ADRA1D: variants seen among roughly 807,000 people sequenced by gnomAD.
The protein encoded by ADRA1D is alpha-1D adrenergic receptor.
ADRA1D carries 22 observed loss-of-function variants against 18.6 expected under a neutral mutation model. The observed-to-expected ratio is 1.19, with a 90% CI of 0.85 to 1.69. The LOEUF is 1.69. Ranked by LOEUF, ADRA1D falls within the 40% of genes most tolerant of loss-of-function variation. ADRA1D has a pLI of 0.00. For synonymous variants in ADRA1D, 376 were observed against 388.2 expected (o/e 0.97, Z 0.37); for missense variants, 840 against 840.7 (o/e 1.00, Z 0.01).
rs1350655777 is a variant in ADRA1D at position 4,222,106 on chromosome 20, G to T, written c.1136C>A (p.Pro379Gln). 6.2e-7 allele frequency: 1 copy of T among 1,612,636 alleles called. No homozygotes were observed. Among genetic ancestry groups the T allele is most frequent in the South Asian group, 1.1e-5 (1 of 91,058 alleles). Residue 379 changes from proline to glutamine, a missense_variant, in exon 2 of 2, where the codon CCA becomes CAA. Coordinates refer to ENST00000379453, the MANE Select transcript of ADRA1D (RefSeq NM_000678.4). The surrounding 1 kb of genome is among the most constrained non-coding windows in gnomAD (Gnocchi z 4.3). ...PLGSLFPQLK[P>Q]SEGVFKVIFW... is the part of the protein sequence containing the mutation. ...GATGACCTTGAAGACGCCCTCCGAT[G>T]GCTTCAGCTGCGGGAACAAGGAGCC...
chr20:4,221,622 C>T lies in ADRA1D; in HGVS notation c.1620G>A (p.Glu540=), dbSNP rs200118427. The T allele has an allele frequency of 1.2e-6, 2 of 1,613,434 alleles. No homozygotes were observed. Among genetic ancestry groups the T allele is most frequent in the East Asian group, 4.5e-5 (2 of 44,888 alleles). Residue 540 remains glutamate (E), a synonymous_variant, in exon 2 of 2, where the codon GAG becomes GAA. Coordinates refer to ENST00000379453, the MANE Select transcript of ADRA1D (RefSeq NM_000678.4). ...CGTGTGGGACGCCTAGGGACACAGCCTCCACCTCTGAGCGCTGGGCGCACG... is the reference window on the plus strand; with the variant it reads ...CGTGTGGGACGCCTAGGGACACAGCTTCCACCTCTGAGCGCTGGGCGCACG... ...EAACAQRSEV[E]AVSLGVPHEV...
rs988891988 is a variant in ADRA1D at position 4,248,854 on chromosome 20, G to A, written c.104C>T (p.Ala35Val). 2 of 1,020,572 alleles carry A rather than the reference G, an allele frequency of 2.0e-6. No individual in the cohort carries two copies. The highest frequency in any genetic ancestry group is 7.5e-5 in the East Asian group (1 of 13,396). The allele number at this position is 1,020,572 out of a possible 1,614,324, so 63.2% of individuals were successfully genotyped here. ...AGGGGGSAGGAAPSEGPAVGG... is the reference protein window; with the variant it reads ...AGGGGGSAGGVAPSEGPAVGG... The stretch of plus-strand genomic sequence containing the variant: ...CACCGCCGGGCCCTCCGAGGGGGCC[G>A]CGCCGCCCGCGCTGCCCCCGCCGCC... Residue 35 changes from alanine to valine, a missense_variant, in exon 1 of 2, where the codon GCG becomes GTG. Physicochemically the swap from Ala to Val is moderately conservative, Grantham distance 64. Coordinates refer to ENST00000379453, the MANE Select transcript of ADRA1D (RefSeq NM_000678.4).
chr20:4,248,915 G>T lies in ADRA1D; in HGVS notation c.43C>A (p.Arg15Ser). The change falls in exon 1 of 2, where the codon CGC becomes AGC. Residue 15 changes from arginine (R) to serine (S), a missense_variant. Transcript: ENST00000379453. ...GAGCCCCCTGCGCTGCTGTCCGGGC[G>T]GGGTCCCTCGAAACTGACGCTCAGG... is the stretch of plus-strand genomic sequence containing the variant. The part of the protein sequence containing the change: ...DLLSVSFEGP[R>S]PDSSAGGSSA... The T allele has an allele frequency of 7.5e-7, 1 of 1,337,106 alleles. No homozygotes were observed. The highest frequency in any genetic ancestry group is 9.7e-7 in the Non-Finnish European group (1 of 1,031,914). 82.8% of individuals were successfully genotyped at this position (1,337,106 alleles called of 1,614,324 possible).
chr20:4,224,870 T>A (rs1274987921), intron 1 of ADRA1D, among the ~76,000 whole-genome samples: 1 of 151,726 alleles, frequency 6.6e-6, no homozygotes, highest in African/African-American at 2.4e-5. Flanking sequence ...CCTCCCACCA[T>A]ACAGAGACAG....
At chr20:4,224,344 G>A (rs1600844759) in intron 1 of ADRA1D, among the ~76,000 whole-genome samples, 1 of 152,114 alleles carries the variant, frequency 6.6e-6, no homozygotes, top group South Asian at 2.1e-4. Flanking sequence ...GGAGGATGGG[G>A]CAGGGGCACT....
intron 1 of ADRA1D, among the ~76,000 whole-genome samples, chr20:4,242,099 C>A (rs908917826): frequency 3.3e-5 from 5 of 152,220 alleles, no homozygotes; most frequent in African/African-American, 1.2e-4. Context: ...TAACCGCTAT[C>A]CTGGATTTTA....
chr20:4,224,179 C>T (rs994527459), intron 1 of ADRA1D, among the ~76,000 whole-genome samples: 7 of 152,064 alleles, frequency 4.6e-5, no homozygotes, highest in East Asian at 1.9e-4. Context: ...GCTTAGGGGC[C>T]GCGAATATTT....
Position 4,222,253 on chromosome 20 carries a change from G to C in ADRA1D, c.1112-123C>G, listed in dbSNP as rs540617790. 1 of 1,353,830 alleles carries C rather than the reference G, an allele frequency of 7.4e-7. No homozygotes were observed. The highest frequency in any genetic ancestry group is 1.5e-5 in the African/African-American group (1 of 65,836). The allele number at this position is 1,353,830 out of a possible 1,614,324, so 83.9% of individuals were successfully genotyped here. A position where few individuals can be genotyped will look rare whatever the true frequency, so the allele number is the denominator to read the frequency against. On this transcript the variant is annotated intron_variant, in intron 1 of 1. Coordinates refer to ENST00000379453, the MANE Select transcript of ADRA1D (RefSeq NM_000678.4). This position sits in a 1 kb window ranked among gnomAD's most constrained non-coding sequence, Gnocchi z 4.3. ...AGTCATTGACTAGGAGTTCTCAAGG[G>C]ATCCGTGCTGTAAATCAGGAGGTCC...
intron 1 of ADRA1D, among the ~76,000 whole-genome samples, chr20:4,226,453 G>A (rs769980632): frequency 2.6e-5 from 4 of 152,272 alleles, no homozygotes; most frequent in Non-Finnish European, 4.4e-5. Flanking sequence ...AATAAAGTGT[G>A]TTATCAAGTT....
rs1981429140 is a variant in ADRA1D at position 4,248,858 on chromosome 20, C to T, written c.100G>A (p.Gly34Ser). The part of the protein sequence containing the change: ...SAGGGGGSAG[G>S]AAPSEGPAVG... ...GCCGGGCCCTCCGAGGGGGCCGCGCCGCCCGCGCTGCCCCCGCCGCCGCCC... is the reference window on the plus strand; with the variant it reads ...GCCGGGCCCTCCGAGGGGGCCGCGCTGCCCGCGCTGCCCCCGCCGCCGCCC... Residue 34 changes from glycine to serine, a missense_variant, in exon 1 of 2, where the codon GGC (glycine) becomes AGC (serine). Physicochemically the swap from Gly to Ser is moderately conservative, Grantham distance 56 (BLOSUM62 0). Coordinates refer to ENST00000379453, the MANE Select transcript of ADRA1D (RefSeq NM_000678.4). 2 of 1,032,714 alleles carry T rather than the reference C, an allele frequency of 1.9e-6. No individual in the cohort carries two copies. Among genetic ancestry groups the T allele is most frequent in the East Asian group, 6.8e-5 (1 of 14,728 alleles). 64.0% of individuals were successfully genotyped at this position (1,032,714 alleles called of 1,614,324 possible).
intron 1 of ADRA1D, among the ~76,000 whole-genome samples, chr20:4,223,006 C>T (rs966841517): frequency 6.6e-6 from 1 of 152,114 alleles, no homozygotes; most frequent in Non-Finnish European, 1.5e-5. Flanking sequence ...ATTTTCCTAT[C>T]ACTTTCAGTT....
chr20:4,240,173 C>T (rs1981180240), intron 1 of ADRA1D, among the ~76,000 whole-genome samples: 1 of 152,142 alleles, frequency 6.6e-6, no homozygotes, highest in African/African-American at 2.4e-5. Context: ...CTACAGGATA[C>T]ACCTGGGGAC....
intron 1 of ADRA1D, among the ~76,000 whole-genome samples, chr20:4,233,683 G>T (rs1981023000): frequency 6.6e-6 from 1 of 152,156 alleles, no homozygotes; most frequent in Admixed American, 6.5e-5. Flanking sequence ...TGGGACCAGG[G>T]ATTAGCCCTT....
At chr20:4,241,246 G>A (rs1010732737) in intron 1 of ADRA1D, among the ~76,000 whole-genome samples, 2 of 152,168 alleles carry the variant, frequency 1.3e-5, no homozygotes, top group Non-Finnish European at 2.9e-5. Context: ...CAGGGAGAAA[G>A]GGCGCTAGGA....
intron 1 of ADRA1D, among the ~76,000 whole-genome samples, chr20:4,235,815 G>A (rs745338370): frequency 2.6e-5 from 4 of 152,230 alleles, no homozygotes; most frequent in Admixed American, 1.3e-4. Context: ...ACCCTCCAGC[G>A]TGCTCAGGGT....
intron 1 of ADRA1D, among the ~76,000 whole-genome samples, chr20:4,230,012 G>A (rs1568764239): frequency 6.6e-6 from 1 of 151,916 alleles, no homozygotes; most frequent in Non-Finnish European, 1.5e-5. Context: ...TTGCTTTTTG[G>A]ACATGCCAGA....
chr20:4,240,000 G>A lies in ADRA1D; in HGVS notation c.1111+7847C>T, dbSNP rs1303589316. Among the ~76,000 whole-genome samples, 6 of 152,198 alleles carry A rather than the reference G, an allele frequency of 3.9e-5. No homozygotes were observed. Among genetic ancestry groups the A allele is most frequent in the Non-Finnish European group, 5.9e-5 (4 of 68,032 alleles). Reference sequence around the variant, plus strand: ...TGCCAAAACCAGCAGGTGAAAGGCCGATGGGTCACTTTGTAATGGACAGAG... The same window carrying A: ...TGCCAAAACCAGCAGGTGAAAGGCCAATGGGTCACTTTGTAATGGACAGAG... On this transcript the variant is annotated intron_variant, in intron 1 of 1. Transcript: ENST00000379453. The surrounding 1 kb of genome is among the most constrained non-coding windows in gnomAD (Gnocchi z 4.9).
intron 1 of ADRA1D, among the ~76,000 whole-genome samples, chr20:4,241,370 T>C (rs1350481050): frequency 6.6e-6 from 1 of 152,216 alleles, no homozygotes; most frequent in Admixed American, 6.5e-5. Flanking sequence ...TAATGATATG[T>C]AGTTAATGAT....
In ADRA1D at chr20:4,222,051, C is replaced by CA; in HGVS notation, c.1190dup (p.Asn398GlufsTer191). ...TGGAACAGGGGTAGATGAGCGGGTT[C>CA]ACGCAGCTGTTGAAGTAGCCGAGCC... is the stretch of plus-strand genomic sequence containing the variant. On this transcript the variant is annotated frameshift_variant, in exon 2 of 2. Transcript: ENST00000379453. LOFTEE classifies it low-confidence loss of function (END_TRUNC). This position sits in a 1 kb window ranked among gnomAD's most constrained non-coding sequence, Gnocchi z 4.3. 6.2e-7 allele frequency: 1 copy of CA among 1,612,132 alleles called. No homozygotes were observed.
Sources: allele counts gnomAD v4.1 joint callset (sites outside exome capture counted in the v4.1 genomes callset), GRCh38; gene constraint gnomAD v4.1.1; non-coding constraint Gnocchi (gnomAD v3.1); transcripts MANE v1.5; gene names NCBI Gene and HGNC (gene_info 2026-07-23, HGNC 2026-07-21).